The following RABGEF1 variants were observed in gnomAD, a reference collection of about 807,000 sequenced individuals.
RABGEF1 encodes the protein RAB guanine nucleotide exchange factor 1.
RABGEF1 carries 26 observed loss-of-function variants against 57.3 expected under a neutral mutation model. That is an observed-to-expected ratio of 0.45 (90% confidence interval 0.33 to 0.63). The LOEUF (loss-of-function observed/expected upper bound fraction) is 0.63. RABGEF1 is among the 20% of genes least tolerant of loss of function. The pLI is 0.02. For synonymous variants in RABGEF1, 185 were observed against 210.7 expected (o/e 0.88, Z 1.06); for missense variants, 464 against 607.6 (o/e 0.76, Z 2.48).
intron 1 of RABGEF1, among the ~76,000 whole-genome samples, chr7:66,764,120 T>G (rs1467668508): frequency 6.6e-6 from 1 of 152,234 alleles, no homozygotes; most frequent in Non-Finnish European, 1.5e-5. Context: ...TTTCCCCACA[T>G]TCTTGGCAAC....
chr7:66,782,682 G>A (rs192579049), intron 3 of RABGEF1, among the ~76,000 whole-genome samples: 1 of 151,906 alleles, frequency 6.6e-6, no homozygotes, highest in Non-Finnish European at 1.5e-5. Context: ...GGAGACTTGA[G>A]TAGCTCAGTA....
upstream of RABGEF1, among the ~76,000 whole-genome samples, chr7:66,677,811 G>A (rs1205077974): frequency 1.3e-5 from 2 of 151,046 alleles, no homozygotes; most frequent in Admixed American, 6.6e-5. Context: ...GGGTTTGGTG[G>A]CTCAAGCACT....
At chr7:66,747,424 TG>T (rs1390181877) in intron 1 of RABGEF1, among the ~76,000 whole-genome samples, 1 of 152,166 alleles carries the variant, frequency 6.6e-6, no homozygotes, top group Non-Finnish European at 1.5e-5. Flanking sequence ...CAGGAGGAAT[TG>T]TACAAAGACC....
At chr7:66,673,490 C>T in the RABGEF1 span, among the ~76,000 whole-genome samples, 2 of 151,228 alleles carry the variant, frequency 1.3e-5, no homozygotes, top group Middle Eastern at 3.4e-3. Context: ...CTGTCTGGGC[C>T]CCACTTGAGC....
chr7:66,770,233 C>T (rs1177392969), intron 1 of RABGEF1: 1 of 152,142 alleles, frequency 6.6e-6, no homozygotes, highest in Admixed American at 6.5e-5. Context: ...ATAAGATCCC[C>T]AAGATATAGG....
At position 66,805,402 on chromosome 7, in the gene RABGEF1, T is replaced by G. The variant is rs757965465; in HGVS notation, c.1077+6T>G. ...GCTACTATTTCACCAATCTGGTGAG[T>G]AAGTGAGTTCTTGGTGTTGTGGAGA... On this transcript the variant is annotated splice_donor_region_variant and intron_variant, in intron 8 of 8. Transcript: ENST00000284957. The G allele has an allele frequency of 3.3e-5, 53 of 1,613,644 alleles. No individual in the cohort carries two copies. The highest frequency in any genetic ancestry group is 4.2e-5 in the Non-Finnish European group (49 of 1,179,858).
intron 1 of RABGEF1, among the ~76,000 whole-genome samples, chr7:66,744,404 C>CA (rs1317097787): frequency 6.6e-6 from 1 of 151,586 alleles, no homozygotes; most frequent in East Asian, 1.9e-4. Flanking sequence ...CGCAGTGGCT[C>CA]ACGCCTGTAA....
chr7:66,690,539 A>T (rs1352761412), intron 1 of RABGEF1, among the ~76,000 whole-genome samples: 2 of 149,924 alleles, frequency 1.3e-5, no homozygotes, highest in Admixed American at 6.7e-5. Context: ...ACATAGTGAA[A>T]CCCCATCTCT....
the RABGEF1 span, among the ~76,000 whole-genome samples, chr7:66,671,925 T>C: frequency 6.7e-6 from 1 of 149,676 alleles, no homozygotes; most frequent in Non-Finnish European, 1.5e-5. Flanking sequence ...CAAGCAATCC[T>C]CCTGCCTCAG....
chr7:66,692,534 C>T (rs923836914), intron 1 of RABGEF1, among the ~76,000 whole-genome samples: 6 of 152,152 alleles, frequency 3.9e-5, no homozygotes, highest in African/African-American at 1.2e-4. Context: ...GTGTTCCTGC[C>T]GTCACCTCTC....
intron 1 of RABGEF1, among the ~76,000 whole-genome samples, chr7:66,745,777 A>AG (rs1206862423): frequency 6.6e-6 from 1 of 151,746 alleles, no homozygotes. Flanking sequence ...TCAAAAAAAA[A>AG]AAAAAAAAAG....
chr7:66,773,066 C>A (rs182719841), intron 2 of RABGEF1, among the ~76,000 whole-genome samples: 4 of 148,962 alleles, frequency 2.7e-5, no homozygotes, highest in African/African-American at 9.8e-5. Context: ...TCTGCCAACT[C>A]CTCTAGCTAG....
At chr7:66,713,956 G>A (rs1175736636) in intron 2 of RABGEF1, among the ~76,000 whole-genome samples, 1 of 152,128 alleles carries the variant, frequency 6.6e-6, no homozygotes, top group Non-Finnish European at 1.5e-5. Context: ...ATATATTGGT[G>A]CATTCTGTTT....
chr7:66,788,413 C>T (rs1341929454), intron 4 of RABGEF1, among the ~76,000 whole-genome samples: 3 of 151,770 alleles, frequency 2.0e-5, no homozygotes, highest in Admixed American at 6.6e-5. Flanking sequence ...CACTGCACTC[C>T]AGCCTGGGCA....
chr7:66,666,472 C>G, the RABGEF1 span, among the ~76,000 whole-genome samples: 1 of 152,186 alleles, frequency 6.6e-6, no homozygotes, highest in Non-Finnish European at 1.5e-5. Context: ...CCGAAGTGAG[C>G]CAGGCGGGCC....
intron 2 of RABGEF1, among the ~76,000 whole-genome samples, chr7:66,722,958 C>T (rs1263749434): frequency 2.6e-5 from 4 of 151,832 alleles, no homozygotes; most frequent in African/African-American, 9.7e-5. Context: ...TCTTTAATTA[C>T]TGTTTCTTTT....
chr7:66,692,497 C>T (rs1219180640), intron 1 of RABGEF1, among the ~76,000 whole-genome samples: 1 of 152,188 alleles, frequency 6.6e-6, no homozygotes, highest in East Asian at 1.9e-4. Context: ...CCACCCAAAA[C>T]CATCACCATG....
At chr7:66,764,304 T>TA (rs981802448) in intron 1 of RABGEF1, among the ~76,000 whole-genome samples, 16 of 151,892 alleles carry the variant, frequency 1.1e-4, no homozygotes, top group Admixed American at 4.6e-4. Flanking sequence ...TTTTACCTGC[T>TA]AAAAAAAATT....
chr7:66,689,494 CAAAT>C (rs2117104936), intron 1 of RABGEF1, among the ~76,000 whole-genome samples: 1 of 152,160 alleles, frequency 6.6e-6, no homozygotes, highest in East Asian at 1.9e-4. Context: ...GACTAAATCA[CAAAT>C]AAATAAAAAA....
Sources: gnomAD v4.1 joint callset for allele counts (sites outside exome capture counted in the v4.1 genomes callset) on GRCh38, gnomAD v4.1.1 for gene constraint, MANE v1.5 for transcripts, NCBI Gene and HGNC (gene_info 2026-07-23, HGNC 2026-07-21) for gene names.